Variants in NRG1 observed in about 807,000 individuals in gnomAD.
The protein encoded by NRG1 is pro-neuregulin-1, membrane-bound isoform.
A neutral mutation model predicts 63.8 loss-of-function variants in NRG1; 18 were observed. The ratio of observed to expected loss-of-function variants is 0.28; its 90% CI spans 0.19 to 0.42. The LOEUF is 0.42. NRG1 is among the 10% of genes least tolerant of loss of function. The pLI, the probability that NRG1 is intolerant of heterozygous loss-of-function variation, is 1.00. For synonymous variants in NRG1, 302 were observed against 301.3 expected, an observed-to-expected ratio of 1.00 and a Z score of -0.02; for missense variants, 762 against 814.7, an observed-to-expected ratio of 0.94 and a Z score of 0.79.
chr8:32,411,384 A>C (rs1401237308), intron 1 of NRG1, among the ~76,000 whole-genome samples: 1 of 152,186 alleles, frequency 6.6e-6, no homozygotes, highest in African/African-American at 2.4e-5. Flanking sequence ...GAAAAGAAAT[A>C]ATGTTTGTAC....
chr8:32,300,439 T>C (rs1369648797), intron 1 of NRG1, among the ~76,000 whole-genome samples: 1 of 152,208 alleles, frequency 6.6e-6, no homozygotes, highest in Non-Finnish European at 1.5e-5. Context: ...ATTTCTAAAA[T>C]ACCACCAGAA....
At chr8:32,008,809 G>A (rs988350012) in intron 1 of NRG1, among the ~76,000 whole-genome samples, 1 of 152,024 alleles carries the variant, frequency 6.6e-6, no homozygotes, top group African/African-American at 2.4e-5. Flanking sequence ...CAAAGCTCCA[G>A]AAAAATCTGC....
At chr8:31,814,302 G>T (rs923065476) in intron 1 of NRG1, among the ~76,000 whole-genome samples, 55 of 152,296 alleles carry the variant, frequency 3.6e-4, no homozygotes, top group African/African-American at 9.4e-4. Context: ...GATCCAGTGG[G>T]CATCGTGGGT....
At position 32,242,272 on chromosome 8, in the gene NRG1, G is replaced by A. The variant is rs1205468532; in HGVS notation, c.38-353556G>A. Among the ~76,000 whole-genome samples the A allele has an allele frequency of 3.9e-5, 6 of 151,992 alleles. 1 individual carries two copies. Among genetic ancestry groups the A allele is most frequent in the South Asian group, 2.1e-4 (1 of 4,814 alleles). The stretch of plus-strand genomic sequence containing the variant: ...AGCTGGATCATGAGGTCAGGAGTTC[G>A]AGACCACCCTGACCAACGTGGTGAA... On this transcript the variant is annotated intron_variant, in intron 1 of 10. Transcript: ENST00000519301.
In NRG1 at chr8:32,004,301, AT is replaced by A. The variant is rs541572309; in HGVS notation, c.37+364874del. ...AGGGCATATTGAGGGCAGTGAAACT[AT>A]TTTGTATGAGACTGTTATGGTGGAT... On this transcript the variant is annotated intron_variant, in intron 1 of 10. Transcript: ENST00000519301. Among the ~76,000 whole-genome samples the A allele has an allele frequency of 7.2e-5, 11 of 152,022 alleles. No homozygotes were observed. In the South Asian group the frequency reaches 2.3e-3, roughly 32 times the overall value.
intron 1 of NRG1, among the ~76,000 whole-genome samples, chr8:32,082,451 TAGTG>T (rs756654640): frequency 2.1e-4 from 32 of 151,982 alleles, no homozygotes; most frequent in Non-Finnish European, 4.1e-4. Flanking sequence ...TCCCGCTTAT[TAGTG>T]AGAACATGTA....
chr8:32,509,108 TA>T (rs1828883101), intron 1 of NRG1, among the ~76,000 whole-genome samples: 1 of 145,282 alleles, frequency 6.9e-6, no homozygotes, highest in Non-Finnish European at 1.5e-5. Flanking sequence ...TATTTTATTT[TA>T]TTTTATTTTT....
At chr8:32,645,606 T>G (rs1399933921) in intron 5 of NRG1, among the ~76,000 whole-genome samples, 1 of 152,194 alleles carries the variant, frequency 6.6e-6, no homozygotes, top group African/African-American at 2.4e-5. Flanking sequence ...TATAATGTGC[T>G]TAAAGCGGAT....
At chr8:31,709,611 CA>C (rs1453203169) in intron 1 of NRG1, among the ~76,000 whole-genome samples, 4 of 151,988 alleles carry the variant, frequency 2.6e-5, no homozygotes, top group Admixed American at 2.6e-4. Context: ...ATAATTGGCA[CA>C]TTTCTCTAAT....
At chr8:31,925,798 T>A (rs955783883) in intron 1 of NRG1, among the ~76,000 whole-genome samples, 1 of 152,228 alleles carries the variant, frequency 6.6e-6, no homozygotes, top group African/African-American at 2.4e-5. Flanking sequence ...AAATTTCCAC[T>A]TTATTCTTTA....
intron 1 of NRG1, among the ~76,000 whole-genome samples, chr8:31,962,605 T>C (rs913785379): frequency 6.6e-6 from 1 of 152,192 alleles, no homozygotes; most frequent in Non-Finnish European, 1.5e-5. Context: ...TTTTCAAAAA[T>C]TACTTTTGCT....
chr8:32,648,880 C>A (rs979345491), intron 5 of NRG1, among the ~76,000 whole-genome samples: 2 of 152,190 alleles, frequency 1.3e-5, no homozygotes, highest in African/African-American at 4.8e-5. Context: ...TCCCTAACCA[C>A]TTCTCCCTAC....
intron 1 of NRG1, 123 bp downstream of exon 1, chr8:32,548,949 C>T: frequency 7.7e-7 from 1 of 1,296,358 alleles, no homozygotes. Context: ...GCCCTGCGCT[C>T]TGAGCGCCCG....
chr8:32,604,021 T>C (rs911923378), intron 2 of NRG1, among the ~76,000 whole-genome samples: 1 of 152,158 alleles, frequency 6.6e-6, no homozygotes, highest in Admixed American at 6.5e-5. Flanking sequence ...TAGCAAGAAG[T>C]TGACATTATA....
chr8:32,434,770 G>T (rs1209738764), intron 1 of NRG1, among the ~76,000 whole-genome samples: 2 of 151,508 alleles, frequency 1.3e-5, no homozygotes, highest in Non-Finnish European at 2.9e-5. Context: ...TACATTTCCA[G>T]ATTCAACCAG....
At chr8:31,828,141 T>C (rs930873698) in intron 1 of NRG1, among the ~76,000 whole-genome samples, 2 of 152,254 alleles carry the variant, frequency 1.3e-5, no homozygotes, top group African/African-American at 4.8e-5. Context: ...GAAAGACTCA[T>C]GCAGGTATTT....
chr8:32,383,680 C>T (rs1361228448), intron 1 of NRG1, among the ~76,000 whole-genome samples: 1 of 152,240 alleles, frequency 6.6e-6, no homozygotes, highest in East Asian at 1.9e-4. Flanking sequence ...TATCTTTTTA[C>T]TGCGCCACCT....
intron 1 of NRG1, among the ~76,000 whole-genome samples, chr8:32,144,481 G>A (rs780265603): frequency 6.6e-5 from 10 of 152,110 alleles, no homozygotes; most frequent in Non-Finnish European, 1.2e-4. Context: ...AATGTGGCCA[G>A]AGGTTTGCCT....
intron 1 of NRG1, among the ~76,000 whole-genome samples, chr8:31,650,788 A>G (rs1044543894): frequency 2.4e-4 from 37 of 152,298 alleles, no homozygotes; most frequent in Admixed American, 1.3e-3. Flanking sequence ...TTTGGATACT[A>G]GCAGGGTCTT....
Sources: allele counts gnomAD v4.1 joint callset (sites outside exome capture counted in the v4.1 genomes callset), GRCh38; gene constraint gnomAD v4.1.1; transcripts MANE v1.5; gene names NCBI Gene and HGNC (gene_info 2026-07-23, HGNC 2026-07-21).